The following SH3GL3 variants were observed in gnomAD, a reference collection of about 807,000 sequenced individuals.
SH3GL3 encodes SH3 domain containing GRB2 like 3, endophilin A3, also known as endophilin-A3.
Under a neutral mutation model 47.7 loss-of-function variants are expected in SH3GL3, and 33 were observed. That is an observed-to-expected ratio of 0.69 (90% CI 0.52 to 0.92). The LOEUF is 0.92. Among genes scored for constraint, SH3GL3 ranks in the 40% least tolerant of loss-of-function variants. The pLI, the probability that SH3GL3 is intolerant of heterozygous loss-of-function variation, is 0.00. For missense variants in SH3GL3, 363 were observed against 417.8 expected (o/e 0.87, Z 1.14); for synonymous variants, 155 against 148.8 (o/e 1.04, Z -0.30).
At chr15:83,460,909 C>G (rs2040262087) in intron 1 of SH3GL3, among the ~76,000 whole-genome samples, 1 of 151,984 alleles carries the variant, frequency 6.6e-6, no homozygotes. Flanking sequence ...ATGGTGAAAC[C>G]CCGTCTCTAC....
At chr15:83,606,989 A>G (rs2060532497) in intron 8 of SH3GL3, among the ~76,000 whole-genome samples, 1 of 152,252 alleles carries the variant, frequency 6.6e-6, no homozygotes, top group African/African-American at 2.4e-5. Context: ...TGCGGTGAAC[A>G]GGAAGAGTCT....
chr15:83,516,690 CA>C (rs760065201), intron 1 of SH3GL3, among the ~76,000 whole-genome samples: 16 of 152,024 alleles, frequency 1.1e-4, no homozygotes, highest in African/African-American at 1.7e-4. Context: ...AAGACAGCAC[CA>C]AGTCATGAGG....
intron 1 of SH3GL3, among the ~76,000 whole-genome samples, chr15:83,494,318 AC>A (rs2041994968): frequency 6.6e-6 from 1 of 152,162 alleles, no homozygotes; most frequent in African/African-American, 2.4e-5. Flanking sequence ...GCCATGGAGA[AC>A]CTGCAGGCTG....
chr15:83,608,431 C>G (rs576313451), intron 8 of SH3GL3, among the ~76,000 whole-genome samples: 109 of 152,290 alleles, frequency 7.2e-4, no homozygotes, highest in African/African-American at 2.6e-3. Context: ...AGATGTTGAA[C>G]TAGATAGTGT....
At chr15:83,608,486 A>G (rs1399175191) in intron 8 of SH3GL3, among the ~76,000 whole-genome samples, 3 of 152,220 alleles carry the variant, frequency 2.0e-5, no homozygotes, top group Non-Finnish European at 4.4e-5. Context: ...TATCTGGGTC[A>G]GATAGAGAGA....
chr15:83,627,593 G>T, the SH3GL3 span, among the ~76,000 whole-genome samples: 1 of 152,236 alleles, frequency 6.6e-6, no homozygotes, highest in East Asian at 1.9e-4. Context: ...TTAGAATCTA[G>T]ACAACTTTTT....
chr15:83,581,076 T>G (rs868750644), intron 6 of SH3GL3, among the ~76,000 whole-genome samples: 4 of 152,208 alleles, frequency 2.6e-5, no homozygotes, highest in Non-Finnish European at 5.9e-5. Flanking sequence ...AGCTGGTGCC[T>G]TCTCCAGCCC....
intron 1 of SH3GL3, among the ~76,000 whole-genome samples, chr15:83,512,928 T>C (rs935262515): frequency 2.0e-5 from 3 of 152,252 alleles, no homozygotes; most frequent in African/African-American, 7.2e-5. Context: ...TCTTTCTTTT[T>C]CCTTCTAAAC....
intron 8 of SH3GL3, 77 bp downstream of exon 8, chr15:83,588,848 T>C (rs2060018878): frequency 1.3e-6 from 1 of 796,090 alleles, no homozygotes; most frequent in Admixed American, 1.9e-5. Context: ...TGCTTGTTTC[T>C]GGGTCAGTGA....
At chr15:83,481,646 T>G (rs918397927) in intron 1 of SH3GL3, among the ~76,000 whole-genome samples, 5 of 152,262 alleles carry the variant, frequency 3.3e-5, no homozygotes, top group African/African-American at 1.2e-4. Flanking sequence ...TGGTGCATTA[T>G]GATGGCAGAA....
Position 83,476,486 on chromosome 15 carries a change from G to A in SH3GL3, c.45+28908G>A, listed in dbSNP as rs563519383. 2.0e-5 allele frequency among the ~76,000 whole-genome samples: 3 copies of A among 152,302 alleles called. No homozygotes were observed. The South Asian group carries it at 6.2e-4, about 32-fold the overall frequency. On this transcript the variant is annotated intron_variant, in intron 1 of 8. Transcript: ENST00000427482. Reference sequence around the variant, plus strand: ...GTATTACATAGAATATTCTAAAACAGGGGTTGGCAAACATTTGGCCTGTGG... The same window carrying A: ...GTATTACATAGAATATTCTAAAACAAGGGTTGGCAAACATTTGGCCTGTGG...
chr15:83,505,129 GTGGTCA>G (rs1305068072), intron 1 of SH3GL3, among the ~76,000 whole-genome samples: 1 of 151,980 alleles, frequency 6.6e-6, no homozygotes, highest in Non-Finnish European at 1.5e-5. Flanking sequence ...TCTCCTGTTC[GTGGTCA>G]TCGGTGTTGT....
chr15:83,493,247 G>GGGC (rs1387297696), intron 1 of SH3GL3, among the ~76,000 whole-genome samples: 1 of 152,108 alleles, frequency 6.6e-6, no homozygotes, highest in African/African-American at 2.4e-5. Flanking sequence ...GGAGGTGGAG[G>GGGC]GGCACCAGGG....
intron 1 of SH3GL3, among the ~76,000 whole-genome samples, chr15:83,494,834 G>A (rs931537941): frequency 2.0e-5 from 3 of 152,028 alleles, no homozygotes; most frequent in African/African-American, 4.8e-5. Context: ...GTGACCCACC[G>A]CACCTGGCCG....
intron 1 of SH3GL3, among the ~76,000 whole-genome samples, chr15:83,507,653 G>A (rs1012652827): frequency 1.3e-5 from 2 of 151,832 alleles, no homozygotes; most frequent in African/African-American, 4.8e-5. Context: ...GACCTCAGGT[G>A]ATCTGCCTGC....
chr15:83,605,724 C>G (rs2060496922), intron 8 of SH3GL3, among the ~76,000 whole-genome samples: 1 of 152,104 alleles, frequency 6.6e-6, no homozygotes, highest in Non-Finnish European at 1.5e-5. Flanking sequence ...CAGACAAAAT[C>G]CAACTCTAGG....
chr15:83,460,271 T>G (rs961995937), intron 1 of SH3GL3, among the ~76,000 whole-genome samples: 2 of 151,650 alleles, frequency 1.3e-5, no homozygotes, highest in South Asian at 4.2e-4. Context: ...TGGCTTTGGC[T>G]TTTCTTGATG....
At chr15:83,576,418 G>C (rs1361119665) in intron 5 of SH3GL3, among the ~76,000 whole-genome samples, 165 bp from the exon 6 acceptor site, 3 of 152,108 alleles carry the variant, frequency 2.0e-5, no homozygotes, top group Non-Finnish European at 4.4e-5. Flanking sequence ...GAAGTGAGGG[G>C]AGCCTCCATC....
Position 83,576,650 on chromosome 15 carries a change from T to C in SH3GL3, c.533T>C (p.Ile178Thr), listed in dbSNP as rs908627454. Residue 178 changes from isoleucine to threonine, a missense_variant, in exon 6 of 9, where the codon ATA becomes ACA. Physicochemically the swap from Ile to Thr is moderately conservative, Grantham distance 89. Coordinates refer to ENST00000427482, the MANE Select transcript of SH3GL3 (RefSeq NM_003027.5). ...TATAAAAAGAAACGAGTAGGTAAGATACCAGACGAAGAAGTCAGACAAGCG... is the reference window on the plus strand; with the variant it reads ...TATAAAAAGAAACGAGTAGGTAAGACACCAGACGAAGAAGTCAGACAAGCG... Reference protein sequence around the residue: ...YDYKKKRVGKIPDEEVRQAVE... With the variant: ...YDYKKKRVGKTPDEEVRQAVE... The C allele has an allele frequency of 1.1e-5, 17 of 1,613,770 alleles. No homozygotes were observed. Among genetic ancestry groups the C allele is most frequent in the Non-Finnish European group, 1.4e-5 (17 of 1,179,760 alleles).
Sources: gnomAD v4.1 joint callset for allele counts (sites outside exome capture counted in the v4.1 genomes callset) on GRCh38, gnomAD v4.1.1 for gene constraint, MANE v1.5 for transcripts, NCBI Gene and HGNC (gene_info 2026-07-23, HGNC 2026-07-21) for gene names.